The following MEIOC variants were observed in gnomAD, a reference collection of about 807,000 sequenced individuals.
MEIOC encodes meiosis specific with coiled-coil domain.
A neutral mutation model predicts 85.3 loss-of-function variants in MEIOC; 9 were observed. The observed-to-expected ratio is 0.11, with a 90% CI of 0.06 to 0.18. The LOEUF is 0.18. MEIOC is among the 10% of genes least tolerant of loss of function. The pLI is 1.00. For synonymous variants in MEIOC, 365 were observed against 393.7 expected (o/e 0.93, Z 0.86); for missense variants, 898 against 1,129.4 (o/e 0.80, Z 2.94).
chr17:44,670,379 G>GGAGCT (rs1971986823), intron 6 of MEIOC: 1 of 151,414 alleles, frequency 6.6e-6, no homozygotes, highest in Non-Finnish European at 1.5e-5. Context: ...AATTGGCAGT[G>GGAGCT]GAGCTAATCC....
At chr17:44,657,920 C>T (rs1455330517) in intron 2 of MEIOC, among the ~76,000 whole-genome samples, 3 of 151,924 alleles carry the variant, frequency 2.0e-5, no homozygotes, top group Non-Finnish European at 1.5e-5. Flanking sequence ...GGTGCGATCT[C>T]GGATCACTGC....
chr17:44,669,411 C>A lies in MEIOC; in HGVS notation c.2351C>A (p.Pro784His). The A allele has an allele frequency of 6.4e-7, 1 of 1,573,044 alleles. No homozygotes were observed. Among genetic ancestry groups the A allele is most frequent in the Non-Finnish European group, 8.6e-7 (1 of 1,158,018 alleles). The change falls in exon 6 of 8, where the codon CCT becomes CAT. Residue 784 changes from proline to histidine, a missense_variant. This residue lies in a region of MEIOC where 164 missense variants were observed against 269.2 expected (regional missense o/e 0.61). Coordinates refer to ENST00000409122, the MANE Select transcript of MEIOC (RefSeq NM_001145080.3). The part of the protein sequence containing the change: ...KTELALAKNY[P>H]GKKVSSTNNT... ...GAATTAGCCCTTGCCAAGAATTATC[C>A]TGGAAAAAAAGTATCCAGTACTAAC...
chr17:44,673,199 C>G (rs1484353581), intron 6 of MEIOC, 167 bp from the exon 7 acceptor site: 1 of 463,190 alleles, frequency 2.2e-6, no homozygotes, highest in Non-Finnish European at 3.7e-6. Context: ...ATAGAAAACA[C>G]TTTCCATTTT....
In MEIOC at chr17:44,665,507, T is replaced by C; in HGVS notation, c.464+19T>C. On this transcript the variant is annotated intron_variant, in intron 4 of 7. Transcript: ENST00000409122. Reference sequence around the variant, plus strand: ...CTGAAGGGTTAGTATATAATCTATATAGTATATAACAGGCTTTTAAACTAA... The same window carrying C: ...CTGAAGGGTTAGTATATAATCTATACAGTATATAACAGGCTTTTAAACTAA... 7.2e-7 allele frequency: 1 copy of C among 1,380,462 alleles called. No individual in the cohort carries two copies. The highest frequency in any genetic ancestry group is 9.9e-7 in the Non-Finnish European group (1 of 1,014,834). The allele number at this position is 1,380,462 out of a possible 1,614,324, so 85.5% of individuals were successfully genotyped here.
Position 44,662,358 on chromosome 17 carries a change from T to C in MEIOC, c.246T>C (p.Phe82=). The change falls in exon 3 of 8, where the codon TTT becomes TTC. Residue 82 remains phenylalanine (F), a synonymous_variant. Transcript: ENST00000409122. ...NVDLRQTYTP[F]SSTEYSSSVD... ...ACCTAAGGCAGACCTATACTCCATT[T>C]TCTTCAACAGAATATTCAAGTTCTG... 1.3e-6 allele frequency: 2 copies of C among 1,550,122 alleles called. No homozygotes were observed. Among genetic ancestry groups the C allele is most frequent in the Non-Finnish European group, 1.7e-6 (2 of 1,146,028 alleles).
In MEIOC at chr17:44,668,016, C is replaced by G. The variant is rs1388678991; in HGVS notation, c.2105C>G (p.Pro702Arg). 1 of 1,613,566 alleles carries G rather than the reference C, an allele frequency of 6.2e-7. No individual in the cohort carries two copies. Among genetic ancestry groups the G allele is most frequent in the African/African-American group, 1.3e-5 (1 of 75,046 alleles). ...STHPFGHSVVPLLDSYDLLSY... is the reference protein window; with the variant it reads ...STHPFGHSVVRLLDSYDLLSY... ...CACCCATTTGGCCATTCAGTTGTTC[C>G]ACTGTTGGATTCCTATGACTTACTT... is the stretch of plus-strand genomic sequence containing the variant. The change falls in exon 5 of 8, where the codon CCA becomes CGA. Residue 702 changes from proline (P) to arginine (R), a missense_variant. Pro to Arg is a moderately radical substitution (Grantham distance 103). Transcript: ENST00000409122.
In MEIOC at chr17:44,667,776, G is replaced by C. The variant is rs1279666431; in HGVS notation, c.1865G>C (p.Gly622Ala). Residue 622 changes from glycine (G) to alanine (A), a missense_variant, in exon 5 of 8, where the codon GGT becomes GCT. Gly to Ala is a moderately conservative substitution (Grantham distance 60). Coordinates refer to ENST00000409122, the MANE Select transcript of MEIOC (RefSeq NM_001145080.3). Reference protein sequence around the residue: ...PQSGHYDPEEGPKHLDGLSQN... With the variant: ...PQSGHYDPEEAPKHLDGLSQN... ...AGTGGACATTATGATCCTGAGGAAGGTCCAAAGCATTTAGATGGCTTATCA... is the reference window on the plus strand; with the variant it reads ...AGTGGACATTATGATCCTGAGGAAGCTCCAAAGCATTTAGATGGCTTATCA... 6.2e-7 allele frequency: 1 copy of C among 1,613,766 alleles called. No homozygotes were observed. The highest frequency in any genetic ancestry group is 8.5e-7 in the Non-Finnish European group (1 of 1,179,846).
At chr17:44,676,615 G>T (rs1051241468), downstream of MEIOC, among the ~76,000 whole-genome samples, 1 of 152,160 alleles carries the variant, frequency 6.6e-6, no homozygotes, top group Non-Finnish European at 1.5e-5. Context: ...GAGGTCAGGA[G>T]ATCGAGACCA....
intron 5 of MEIOC, among the ~76,000 whole-genome samples, chr17:44,668,543 G>A (rs1019912820): frequency 3.3e-5 from 5 of 152,026 alleles, no homozygotes; most frequent in Non-Finnish European, 7.4e-5. Context: ...TGTTCCCCAC[G>A]GTGGTCTCAA....
Position 44,666,851 on chromosome 17 carries a change from T to G in MEIOC, c.940T>G (p.Ser314Ala). The G allele has an allele frequency of 6.2e-7, 1 of 1,611,556 alleles. No homozygotes were observed. The highest frequency in any genetic ancestry group is 8.5e-7 in the Non-Finnish European group (1 of 1,178,650). ...GCAAAAAAGGGCAGAGATGTTTCTT[T>G]CTCAATTTAATAGATACAATGAAAA... ...LQQKRAEMFLSQFNRYNENVD... is the reference protein window; with the variant it reads ...LQQKRAEMFLAQFNRYNENVD... The change falls in exon 5 of 8, where the codon TCT (serine) becomes GCT (alanine). Residue 314 changes from serine (S) to alanine (A), a missense_variant. By Grantham distance (99) the Ser-to-Ala change is moderately conservative (BLOSUM62 1). Coordinates refer to ENST00000409122, the MANE Select transcript of MEIOC (RefSeq NM_001145080.3).
chr17:44,656,609 GC>G lies in MEIOC; in HGVS notation c.-1del. The G allele has an allele frequency of 1.4e-6, 2 of 1,473,160 alleles. No homozygotes were observed. Among genetic ancestry groups the G allele is most frequent in the East Asian group, 3.0e-5 (1 of 33,184 alleles). The allele number at this position is 1,473,160 out of a possible 1,614,324, so 91.3% of individuals were successfully genotyped here. ...CCTAGTCCAGGAGAGGCTGGGGGGC[GC>G]CCCATGGAGGTGAGACGCGGAGACA... is the stretch of plus-strand genomic sequence containing the variant. On this transcript the variant is annotated 5_prime_UTR_variant, in exon 1 of 8. Coordinates refer to ENST00000409122, the MANE Select transcript of MEIOC (RefSeq NM_001145080.3).
chr17:44,675,690 G>A lies in MEIOC; in HGVS notation c.*1494G>A. The A allele has an allele frequency of 1.0e-6, 1 of 984,840 alleles. No homozygotes were observed. Among genetic ancestry groups the A allele is most frequent in the Non-Finnish European group, 1.2e-6 (1 of 829,408 alleles). The allele number at this position is 984,840 out of a possible 1,614,324, so 61.0% of individuals were successfully genotyped here. On this transcript the variant is annotated 3_prime_UTR_variant, in exon 8 of 8. Coordinates refer to ENST00000409122, the MANE Select transcript of MEIOC (RefSeq NM_001145080.3). ...AAATAAAATAGATCATCTCACCACAGTCACTGCATAGAAAGTGGTTAAGTT... is the reference window on the plus strand; with the variant it reads ...AAATAAAATAGATCATCTCACCACAATCACTGCATAGAAAGTGGTTAAGTT...
At chr17:44,658,807 AAGAAAAAAG>A in intron 2 of MEIOC, among the ~76,000 whole-genome samples, 1 of 151,808 alleles carries the variant, frequency 6.6e-6, no homozygotes, top group African/African-American at 2.4e-5. Context: ...AAAAAAAAAA[AAGAAAAAAG>A]AAAACAAATT....
At chr17:44,661,801 C>T (rs1162443345) in intron 2 of MEIOC, among the ~76,000 whole-genome samples, 2 of 152,068 alleles carry the variant, frequency 1.3e-5, no homozygotes, top group Non-Finnish European at 2.9e-5. Context: ...ACCTCGGCCT[C>T]CCAAAGTGCT....
chr17:44,668,944 C>T lies in MEIOC; in HGVS notation c.2323-439C>T, dbSNP rs552934694. 1.5e-4 allele frequency among the ~76,000 whole-genome samples: 23 copies of T among 152,296 alleles called. No individual in the cohort carries two copies. In the South Asian group the frequency reaches 4.1e-3, roughly 27 times the overall value. ...GATAGCTGGGCGCGGTGGCTCACGC[C>T]TGTAATCCCAGCACTTTGGGAGGCC... is the stretch of plus-strand genomic sequence containing the variant. On this transcript the variant is annotated intron_variant, in intron 5 of 7. Transcript: ENST00000409122.
Position 44,661,809 on chromosome 17 carries a change from G to A in MEIOC, c.205-508G>A, listed in dbSNP as rs111904264. Among the ~76,000 whole-genome samples, 15 of 152,174 alleles carry A rather than the reference G, an allele frequency of 9.9e-5. 1 individual carries two copies. Among genetic ancestry groups the A allele is most frequent in the African/African-American group, 3.4e-4 (14 of 41,518 alleles). On this transcript the variant is annotated intron_variant, in intron 2 of 7. Transcript: ENST00000409122. ...TCCGCCCACCTCGGCCTCCCAAAGT[G>A]CTGGGATTACAGGCTTGAGCCACCG...
chr17:44,664,203 CA>C (rs1032934481), intron 3 of MEIOC, among the ~76,000 whole-genome samples: 6 of 150,406 alleles, frequency 4.0e-5, no homozygotes, highest in African/African-American at 7.3e-5. Context: ...GCTGAAAATA[CA>C]AAAAAAAATT....
At chr17:44,668,918 C>T (rs971867013) in intron 5 of MEIOC, among the ~76,000 whole-genome samples, 9 of 152,008 alleles carry the variant, frequency 5.9e-5, no homozygotes, top group Admixed American at 2.6e-4. Context: ...TGTATTAAGA[C>T]GATAGCTGGG....
intron 6 of MEIOC, 47 bp downstream of exon 6, chr17:44,669,564 T>C (rs552991040): frequency 2.6e-6 from 4 of 1,546,730 alleles, no homozygotes; most frequent in Non-Finnish European, 3.5e-6. Flanking sequence ...TTGTTAAATT[T>C]TTTTTAAGTT....
Sources: gnomAD v4.1 joint callset for allele counts (sites outside exome capture counted in the v4.1 genomes callset) on GRCh38, gnomAD v4.1.1 for gene constraint, gnomAD v4.1.1 regional missense constraint, MANE v1.5 for transcripts, NCBI Gene and HGNC (gene_info 2026-07-23, HGNC 2026-07-21) for gene names.